Variants in FOXN3 observed in about 807,000 individuals in gnomAD.
The protein encoded by FOXN3 is forkhead box N3, also known as forkhead box protein N3.
In FOXN3, 7 loss-of-function variants were observed where a neutral mutation model predicts 38.4. The observed-to-expected ratio is 0.18, with a 90% CI of 0.10 to 0.34. The LOEUF (loss-of-function observed/expected upper bound fraction) is 0.34. Ranked by LOEUF, FOXN3 falls within the 10% of genes least tolerant of loss-of-function variation. The pLI, the probability that FOXN3 is intolerant of heterozygous loss-of-function variation, is 1.00. For missense variants in FOXN3, 456 were observed against 613.4 expected (o/e 0.74, Z 2.71); for synonymous variants, 230 against 242.2 (o/e 0.95, Z 0.47).
chr14:89,541,736 C>G lies in FOXN3; in HGVS notation c.-15+77292G>C, dbSNP rs1477166870. On this transcript the variant is annotated intron_variant, in intron 1 of 6. Transcript: ENST00000345097. Reference sequence around the variant, plus strand: ...GCATGAGATTCAAGAACCCTCTTGGCCTCTGGATCAGGACCCCTTTCCCGT... The same window carrying G: ...GCATGAGATTCAAGAACCCTCTTGGGCTCTGGATCAGGACCCCTTTCCCGT... 5.9e-5 allele frequency among the ~76,000 whole-genome samples: 9 copies of G among 152,236 alleles called. No homozygotes were observed. The South Asian group carries it at 1.7e-3, about 28-fold the overall frequency.
In FOXN3 at chr14:89,159,468, A is replaced by T. The variant is rs1242047077; in HGVS notation, c.*2946T>A. ...TGCAAAAAGAGTGGTTCTGGAGTTA[A>T]GAACACACTTTTATATTTCTCTATT... is the stretch of plus-strand genomic sequence containing the variant. On this transcript the variant is annotated 3_prime_UTR_variant, in exon 6 of 6. Transcript: ENST00000557258. 6.5e-6 allele frequency: 1 copy of T among 152,684 alleles called. No individual in the cohort carries two copies. The highest frequency in any genetic ancestry group is 1.5e-5 in the Non-Finnish European group (1 of 68,054). 9.5% of individuals were successfully genotyped at this position (152,684 alleles called of 1,614,324 possible).
At chr14:89,290,276 T>C (rs1886828484) in intron 3 of FOXN3, 1 of 322,118 alleles carries the variant, frequency 3.1e-6, no homozygotes, top group South Asian at 2.8e-5. Context: ...ATTACCACCC[T>C]GACGAATAAG....
chr14:89,465,532 T>C (rs953027579), intron 1 of FOXN3, among the ~76,000 whole-genome samples: 1 of 152,232 alleles, frequency 6.6e-6, no homozygotes, highest in Non-Finnish European at 1.5e-5. Context: ...TGAGTATGTC[T>C]TTATTAGCAG....
intron 4 of FOXN3, among the ~76,000 whole-genome samples, chr14:89,226,516 T>C (rs902065318): frequency 4.6e-5 from 7 of 152,130 alleles, no homozygotes; most frequent in Non-Finnish European, 8.8e-5. Flanking sequence ...CCTCAAGCGA[T>C]TATAGGCATG....
chr14:89,325,262 CCACCATCACCAA>C (rs1888024945), intron 3 of FOXN3, among the ~76,000 whole-genome samples: 1 of 147,868 alleles, frequency 6.8e-6, no homozygotes, highest in African/African-American at 2.5e-5. Flanking sequence ...ACCACCACCA[CCACCATCACCAA>C]CACCAACACC....
intron 1 of FOXN3, among the ~76,000 whole-genome samples, chr14:89,466,902 A>C (rs1251466023): frequency 6.6e-6 from 1 of 152,230 alleles, no homozygotes; most frequent in African/African-American, 2.4e-5. Context: ...AGGCAGAAGA[A>C]AGGGAGAACA....
rs1013488816 is a variant in FOXN3 at position 89,402,718 on chromosome 14, G to A, written c.543+9216C>T. Among the ~76,000 whole-genome samples the A allele has an allele frequency of 3.9e-5, 6 of 152,170 alleles. No individual in the cohort carries two copies. In the East Asian group the frequency reaches 1.2e-3, roughly 29 times the overall value. ...GGAACATGCTAGCTGATGCCATCTT[G>A]GACCATGAGAAGACTGAGAATGGAA... On this transcript the variant is annotated intron_variant, in intron 2 of 5. Transcript: ENST00000557258.
intron 1 of FOXN3, chr14:89,576,264 C>T (rs1410737136): frequency 6.6e-6 from 1 of 152,228 alleles, no homozygotes; most frequent in Non-Finnish European, 1.5e-5. Flanking sequence ...CGCCGGGTGC[C>T]TTTCACTGCC....
At chr14:89,428,023 TAA>T (rs1311378274) in intron 1 of FOXN3, among the ~76,000 whole-genome samples, 2 of 152,216 alleles carry the variant, frequency 1.3e-5, no homozygotes, top group African/African-American at 4.8e-5. Context: ...TTTCGGTGGC[TAA>T]GTCTGCCAAA....
At chr14:89,429,594 AGTGGGAGAGTTGCTG>A (rs1892115260) in intron 1 of FOXN3, among the ~76,000 whole-genome samples, 1 of 152,102 alleles carries the variant, frequency 6.6e-6, no homozygotes, top group East Asian at 1.9e-4. Flanking sequence ...AGGCATGTGA[AGTGGGAGAGTTGCTG>A]CCTGGACCAG....
intron 4 of FOXN3, among the ~76,000 whole-genome samples, chr14:89,256,355 T>C (rs2001834): frequency 0.19 from 28,765 of 152,032 alleles, 2,758 homozygotes; most frequent in East Asian, 0.32. Context: ...CTTGGACAGA[T>C]GATTGATGAA....
At chr14:89,538,875 A>G (rs180973393) in intron 1 of FOXN3, among the ~76,000 whole-genome samples, 1 of 149,062 alleles carries the variant, frequency 6.7e-6, no homozygotes, top group African/African-American at 2.5e-5. Context: ...ACGGAGTCTC[A>G]CTCTGTCGCC....
chr14:89,165,489 C>T (rs574330262), intron 5 of FOXN3, among the ~76,000 whole-genome samples: 1 of 152,306 alleles, frequency 6.6e-6, no homozygotes, highest in South Asian at 2.1e-4. Context: ...TATGGGAACC[C>T]AGCACCAAGT....
intron 1 of FOXN3, among the ~76,000 whole-genome samples, chr14:89,588,847 CAA>C (rs1317656860): frequency 6.6e-6 from 1 of 152,214 alleles, no homozygotes; most frequent in African/African-American, 2.4e-5. Flanking sequence ...CTCTGAAAAA[CAA>C]TGATTTTGGG....
chr14:89,455,632 C>G (rs1892706812), intron 1 of FOXN3, among the ~76,000 whole-genome samples: 1 of 152,184 alleles, frequency 6.6e-6, no homozygotes, highest in Admixed American at 6.5e-5. Flanking sequence ...TTTGCAGTAT[C>G]AGCTTCTTAT....
intron 2 of FOXN3, among the ~76,000 whole-genome samples, chr14:89,365,636 G>C (rs962984577): frequency 1.6e-4 from 24 of 152,162 alleles, no homozygotes; most frequent in Admixed American, 6.5e-4. Context: ...TTCTCCATCT[G>C]AAACCTCATC....
intron 2 of FOXN3, among the ~76,000 whole-genome samples, chr14:89,365,265 CTCAG>C (rs1050549204): frequency 6.6e-6 from 1 of 152,200 alleles, no homozygotes; most frequent in Non-Finnish European, 1.5e-5. Flanking sequence ...GACAGATCTA[CTCAG>C]TATTTGTTTG....
chr14:89,322,875 A>G (rs1020387657), intron 3 of FOXN3, among the ~76,000 whole-genome samples: 1 of 152,212 alleles, frequency 6.6e-6, no homozygotes, highest in Non-Finnish European at 1.5e-5. Flanking sequence ...TCCAAAGCCT[A>G]AGGATACAGC....
intron 1 of FOXN3, among the ~76,000 whole-genome samples, chr14:89,561,556 G>A (rs1183202331): frequency 2.0e-5 from 3 of 152,214 alleles, no homozygotes; most frequent in Non-Finnish European, 2.9e-5. Flanking sequence ...TAGCAGAGGA[G>A]GGAGGTCTTC....
Sources: allele counts gnomAD v4.1 joint callset (sites outside exome capture counted in the v4.1 genomes callset), GRCh38; gene constraint gnomAD v4.1.1; transcripts MANE v1.5; gene names NCBI Gene and HGNC (gene_info 2026-07-23, HGNC 2026-07-21).